The following DCP1A variants were observed in gnomAD, a reference collection of about 807,000 sequenced individuals.
DCP1A encodes mRNA-decapping enzyme 1A.
A neutral mutation model predicts 58.0 loss-of-function variants in DCP1A; 20 were observed. The ratio of observed to expected loss-of-function variants is 0.34; its 90% CI spans 0.24 to 0.50. The LOEUF (loss-of-function observed/expected upper bound fraction) is 0.50. Ranked by LOEUF, DCP1A falls within the 20% of genes least tolerant of loss-of-function variation. The pLI is 0.98. For missense variants in DCP1A, 613 were observed against 712.2 expected (o/e 0.86, Z 1.59); for synonymous variants, 285 against 275.1 (o/e 1.04, Z -0.36).
At position 53,335,916 on chromosome 3, in the gene DCP1A, G is replaced by A. The variant is rs181615085; in HGVS notation, c.304+6228C>T. ...CATGGCTCACTGCAGCCTCAACCTC[G>A]CGGGCTCAGGTGATTCTCTCACCTC... On this transcript the variant is annotated intron_variant, in intron 3 of 9. Transcript: ENST00000610213. 4.7e-3 allele frequency among the ~76,000 whole-genome samples: 666 copies of A among 141,064 alleles called. 1 individual carries two copies. Among genetic ancestry groups the A allele is most frequent in the Non-Finnish European group, 7.3e-3 (474 of 64,900 alleles). 92.5% of individuals were successfully genotyped at this position (141,064 alleles called of 152,430 possible).
intron 3 of DCP1A, among the ~76,000 whole-genome samples, chr3:53,320,707 G>A (rs572490782): frequency 2.0e-5 from 3 of 152,184 alleles, no homozygotes; most frequent in South Asian, 4.2e-4. Context: ...GACATCAGTC[G>A]AGATACAGAA....
chr3:53,334,440 T>C (rs1296675075), intron 3 of DCP1A, among the ~76,000 whole-genome samples: 1 of 152,326 alleles, frequency 6.6e-6, no homozygotes, highest in East Asian at 1.9e-4. Flanking sequence ...CCATGGTTTC[T>C]ATTTACTTTT....
intron 5 of DCP1A, among the ~76,000 whole-genome samples, chr3:53,311,568 C>T (rs1201706305): frequency 2.0e-5 from 3 of 152,276 alleles, no homozygotes; most frequent in African/African-American, 4.8e-5. Flanking sequence ...AGAAAGAAAA[C>T]AGTGAATTTC....
intron 7 of DCP1A, 89 bp from the exon 8 acceptor site, chr3:53,290,945 T>TG: frequency 2.5e-6 from 3 of 1,178,968 alleles, no homozygotes; most frequent in Non-Finnish European, 3.7e-6. Flanking sequence ...ACTTTCCCAG[T>TG]GGAAAATCTA....
intron 6 of DCP1A, among the ~76,000 whole-genome samples, chr3:53,303,096 C>A (rs1707361729): frequency 6.6e-6 from 1 of 151,796 alleles, no homozygotes; most frequent in African/African-American, 2.4e-5. Flanking sequence ...ACCACAGGTG[C>A]ATGACATCAC....
intron 5 of DCP1A, among the ~76,000 whole-genome samples, chr3:53,309,022 G>C (rs1553688389): frequency 6.6e-6 from 1 of 152,136 alleles, no homozygotes; most frequent in African/African-American, 2.4e-5. Flanking sequence ...CCTATGGCTA[G>C]AAGCAACTCA....
At chr3:53,321,196 T>C (rs551836606) in intron 3 of DCP1A, among the ~76,000 whole-genome samples, 2 of 152,386 alleles carry the variant, frequency 1.3e-5, no homozygotes, top group East Asian at 3.9e-4. Context: ...CTGCCAGTTC[T>C]GGGTTCCTGA....
chr3:53,316,118 G>C (rs1707805122), intron 4 of DCP1A, among the ~76,000 whole-genome samples: 1 of 152,086 alleles, frequency 6.6e-6, no homozygotes. Flanking sequence ...ATAGTGATGG[G>C]AAGAACTGTA....
Position 53,290,778 on chromosome 3 carries a change from A to G in DCP1A, c.1449+13T>C, listed in dbSNP as rs899830733. ...AAAAAAAAAAAAAAAAAAAAAAAAAAGCGAGTCCTTACCGGGATGGCACTG... is the reference window on the plus strand; with the variant it reads ...AAAAAAAAAAAAAAAAAAAAAAAAAGGCGAGTCCTTACCGGGATGGCACTG... On this transcript the variant is annotated intron_variant, in intron 8 of 9. Transcript: ENST00000610213. 21 of 1,225,338 alleles carry G rather than the reference A, an allele frequency of 1.7e-5. No homozygotes were observed. Among genetic ancestry groups the G allele is most frequent in the African/African-American group, 6.7e-5 (4 of 59,942 alleles). 75.9% of individuals were successfully genotyped at this position (1,225,338 alleles called of 1,614,324 possible).
At chr3:53,296,316 G>A (rs1707126472) in intron 6 of DCP1A, among the ~76,000 whole-genome samples, 1 of 152,198 alleles carries the variant, frequency 6.6e-6, no homozygotes, top group Admixed American at 6.5e-5. Flanking sequence ...CCAAGGCTAG[G>A]CTATTATAAA....
intron 7 of DCP1A, among the ~76,000 whole-genome samples, 174 bp from the exon 8 acceptor site, chr3:53,291,030 A>G (rs1706847650): frequency 6.6e-6 from 1 of 152,194 alleles, no homozygotes; most frequent in Admixed American, 6.5e-5. Context: ...AGGAACCTGT[A>G]ACCATGCAGC....
In DCP1A at chr3:53,292,402, T is replaced by G. The variant is rs371261804; in HGVS notation, c.1050A>C (p.Arg350Ser). Reference protein sequence around the residue: ...TMMQAVKTTPRQRSPLLNQPV... With the variant: ...TMMQAVKTTPSQRSPLLNQPV... Reference sequence around the variant, plus strand: ...GCTGGTTCAGGAGTGGAGACCTCTGTCTAGGCGTGGTCTTCACTGCCTGCA... The same window carrying G: ...GCTGGTTCAGGAGTGGAGACCTCTGGCTAGGCGTGGTCTTCACTGCCTGCA... Residue 350 changes from arginine to serine, a missense_variant, in exon 7 of 10, where the codon AGA (arginine) becomes AGC (serine). By Grantham distance (110) the Arg-to-Ser change is moderately radical. Around this residue, in one of 3 missense-constraint regions of DCP1A, gnomAD observed 498 missense variants for 556.7 expected, o/e 0.89. Coordinates refer to ENST00000610213, the MANE Select transcript of DCP1A (RefSeq NM_018403.7). 9.9e-6 allele frequency: 16 copies of G among 1,613,804 alleles called. No homozygotes were observed. The highest frequency in any genetic ancestry group is 1.4e-5 in the Non-Finnish European group (16 of 1,179,794).
At chr3:53,344,825 G>T in intron 2 of DCP1A, 77 bp downstream of exon 2, 2 of 1,126,626 alleles carry the variant, frequency 1.8e-6, no homozygotes, top group Non-Finnish European at 2.6e-6. Context: ...AAAGACAAAT[G>T]TACAAGAGAA....
At position 53,312,231 on chromosome 3, in the gene DCP1A, A is replaced by G. The variant is rs377213797; in HGVS notation, c.510+10T>C. ...CCCTGGTCAGCACCCAAGTACCCAG[A>G]GAGCCTCACCCTCTCATACTCATCC... On this transcript the variant is annotated intron_variant, in intron 5 of 9. Transcript: ENST00000610213. 150 of 1,578,336 alleles carry G rather than the reference A, an allele frequency of 9.5e-5. No individual in the cohort carries two copies. The highest frequency in any genetic ancestry group is 1.2e-4 in the Non-Finnish European group (140 of 1,162,056).
intron 2 of DCP1A, among the ~76,000 whole-genome samples, 191 bp downstream of exon 2, chr3:53,344,711 G>C (rs1267553072): frequency 1.3e-5 from 2 of 152,096 alleles, no homozygotes; most frequent in Non-Finnish European, 1.5e-5. Context: ...TTCTAGTTCA[G>C]TTTATTCTGA....
At chr3:53,337,031 G>A (rs752642673) in intron 3 of DCP1A, among the ~76,000 whole-genome samples, 5 of 151,876 alleles carry the variant, frequency 3.3e-5, no homozygotes, top group African/African-American at 1.2e-4. Context: ...CACCATGTCC[G>A]GCTAATTTTT....
At chr3:53,346,861 C>A (rs1256608477) in intron 1 of DCP1A, among the ~76,000 whole-genome samples, 1 of 151,998 alleles carries the variant, frequency 6.6e-6, no homozygotes, top group African/African-American at 2.4e-5. Flanking sequence ...AAAGCCGGAC[C>A]CACCCACCCC....
intron 6 of DCP1A, among the ~76,000 whole-genome samples, chr3:53,303,255 GGT>G (rs1707367172): frequency 6.6e-6 from 1 of 151,670 alleles, no homozygotes; most frequent in South Asian, 2.1e-4. Context: ...CTGTCCAAGG[GGT>G]GTTACTGTTA....
intron 1 of DCP1A, among the ~76,000 whole-genome samples, chr3:53,346,689 G>T (rs923737838): frequency 1.6e-4 from 25 of 152,176 alleles, no homozygotes; most frequent in African/African-American, 5.6e-4. Flanking sequence ...TACTGAGTCC[G>T]AGGGGAGCAT....
Sources: allele counts gnomAD v4.1 joint callset (sites outside exome capture counted in the v4.1 genomes callset), GRCh38; gene constraint gnomAD v4.1.1; regional missense constraint gnomAD v4.1.1; transcripts MANE v1.5; gene names NCBI Gene and HGNC (gene_info 2026-07-23, HGNC 2026-07-21).